DDX24: variants seen among roughly 807,000 people sequenced by gnomAD.
DDX24 encodes ATP-dependent RNA helicase DDX24.
In DDX24, 24 loss-of-function variants were observed where a neutral mutation model predicts 68.9. The observed-to-expected ratio is 0.35, with a 90% CI of 0.25 to 0.49. The LOEUF (loss-of-function observed/expected upper bound fraction) is 0.49, where lower values mean the gene tolerates loss of function less well. Among genes scored for constraint, DDX24 ranks in the 20% least tolerant of loss-of-function variants. The pLI, the probability that DDX24 is intolerant of heterozygous loss-of-function variation, is 0.99. For synonymous variants in DDX24, 395 were observed against 385.2 expected, an observed-to-expected ratio of 1.03 and a Z score of -0.30; for missense variants, 989 against 1,039.0, an observed-to-expected ratio of 0.95 and a Z score of 0.66.
chr14:94,053,992 A>C (rs974117502), intron 7 of DDX24, among the ~76,000 whole-genome samples: 2 of 152,198 alleles, frequency 1.3e-5, no homozygotes, highest in Non-Finnish European at 1.5e-5. Flanking sequence ...CTTTCCCAAC[A>C]ATCAACCTGA....
chr14:94,077,686 C>T (rs11622287), intron 2 of DDX24, among the ~76,000 whole-genome samples: 12,047 of 152,168 alleles, frequency 0.079, 503 homozygotes, highest in Middle Eastern at 0.19. Flanking sequence ...AAGTTATTAT[C>T]TCCATTCCCC....
chr14:94,055,035 T>C lies in DDX24; in HGVS notation c.2139A>G (p.Pro713=), dbSNP rs1230246737. The C allele has an allele frequency of 2.5e-6, 4 of 1,614,082 alleles. No homozygotes were observed. In the African/African-American group the frequency reaches 4.0e-5, roughly 16 times the overall value. ...YKTLKKDEDI[P]LFPVQTKYMD... is the part of the protein sequence containing the mutation. The stretch of plus-strand genomic sequence containing the variant: ...TGTATTTTGTCTGCACGGGGAACAG[T>C]GGGATATCCTCATCTTTCTTGAGCG... The change falls in exon 7 of 9, where the codon CCA becomes CCG. Residue 713 remains proline, a synonymous_variant. Coordinates refer to ENST00000621632, the MANE Select transcript of DDX24 (RefSeq NM_020414.4).
chr14:94,065,002 T>C, intron 2 of DDX24, among the ~76,000 whole-genome samples: 1 of 151,844 alleles, frequency 6.6e-6, no homozygotes, highest in African/African-American at 2.4e-5. Context: ...TGGTTGTGAG[T>C]GTGGGAAAAA....
At chr14:94,073,812 G>T (rs1220604237) in intron 2 of DDX24, among the ~76,000 whole-genome samples, 1 of 152,060 alleles carries the variant, frequency 6.6e-6, no homozygotes, top group Admixed American at 6.5e-5. Flanking sequence ...GGGAGGCCGA[G>T]GCGAGCAGAT....
chr14:94,074,295 C>A (rs1467182986), intron 2 of DDX24, among the ~76,000 whole-genome samples: 2 of 152,066 alleles, frequency 1.3e-5, no homozygotes, highest in Non-Finnish European at 2.9e-5. Flanking sequence ...CTACAACTAT[C>A]CCATGAACAT....
At chr14:94,076,448 C>A (rs1253280753) in intron 2 of DDX24, among the ~76,000 whole-genome samples, 1 of 151,928 alleles carries the variant, frequency 6.6e-6, no homozygotes, top group South Asian at 2.1e-4. Context: ...TTTGGGAGGC[C>A]GAAGCAGGCA....
At chr14:94,080,674 G>A (rs1433022037) in intron 1 of DDX24, among the ~76,000 whole-genome samples, 3 of 151,984 alleles carry the variant, frequency 2.0e-5, no homozygotes, top group Non-Finnish European at 4.4e-5. Context: ...CACAGTGCCC[G>A]CCGGACCCGC....
intron 2 of DDX24, among the ~76,000 whole-genome samples, chr14:94,063,249 C>T (rs143075513): frequency 6.6e-6 from 1 of 152,166 alleles, no homozygotes; most frequent in Non-Finnish European, 1.5e-5. Context: ...AAATAAGCAG[C>T]TCTCAGTAAA....
At chr14:94,069,176 C>T (rs1261120043) in intron 2 of DDX24, among the ~76,000 whole-genome samples, 1 of 151,906 alleles carries the variant, frequency 6.6e-6, no homozygotes, top group Non-Finnish European at 1.5e-5. Flanking sequence ...TAAAACAAAA[C>T]AGGAGATATT....
rs1223901426 is a variant in DDX24 at position 94,060,016 on chromosome 14, T to C, written c.1913+82A>G. On this transcript the variant is annotated intron_variant, in intron 5 of 8. Coordinates refer to ENST00000621632, the MANE Select transcript of DDX24 (RefSeq NM_020414.4). ...GGCCCCTATGACAGAAGGTGGCTTT[T>C]CTACCATTTCCCCACCATCCTGACC... The C allele has an allele frequency of 2.7e-6, 4 of 1,488,450 alleles. No individual in the cohort carries two copies. In the African/African-American group the frequency reaches 4.2e-5, roughly 16 times the overall value. 92.2% of individuals were successfully genotyped at this position (1,488,450 alleles called of 1,614,324 possible).
At chr14:94,054,912 T>C in intron 7 of DDX24, 84 bp downstream of exon 7, 1 of 1,465,906 alleles carries the variant, frequency 6.8e-7, no homozygotes, top group Middle Eastern at 1.8e-4. Flanking sequence ...TCAAGGGTTA[T>C]GCTGCCAGAG....
At chr14:94,058,916 C>T (rs1221175761) in intron 5 of DDX24, among the ~76,000 whole-genome samples, 4 of 152,122 alleles carry the variant, frequency 2.6e-5, no homozygotes, top group African/African-American at 9.7e-5. Context: ...ATGGGTCTTG[C>T]TGTGTTCCAG....
intron 2 of DDX24, among the ~76,000 whole-genome samples, chr14:94,075,882 C>T (rs900573456): frequency 6.6e-6 from 1 of 152,178 alleles, no homozygotes; most frequent in African/African-American, 2.4e-5. Context: ...AAATGCTCTA[C>T]ATTGCTAGTC....
At chr14:94,070,238 A>G (rs991033570) in intron 2 of DDX24, among the ~76,000 whole-genome samples, 2 of 152,200 alleles carry the variant, frequency 1.3e-5, no homozygotes, top group African/African-American at 4.8e-5. Context: ...TGGAGAATCA[A>G]ATCAAGAACT....
chr14:94,079,197 A>G lies in DDX24; in HGVS notation c.546T>C (p.Pro182=), dbSNP rs1486545898. 6.2e-7 allele frequency: 1 copy of G among 1,614,114 alleles called. No homozygotes were observed. Among genetic ancestry groups the G allele is most frequent in the African/African-American group, 1.3e-5 (1 of 74,940 alleles). ...KVPKKAKTWI[P]EVHDQKADVS... is the part of the protein sequence containing the mutation. The stretch of plus-strand genomic sequence containing the variant: ...CATCTGCTTTCTGATCATGAACTTC[A>G]GGAATCCATGTCTTCGCTTTTTTGG... Residue 182 remains proline (P), a synonymous_variant, in exon 2 of 9, where the codon CCT becomes CCC. Transcript: ENST00000621632.
chr14:94,074,528 T>TA (rs1361227392), intron 2 of DDX24, among the ~76,000 whole-genome samples: 1 of 152,144 alleles, frequency 6.6e-6, no homozygotes, highest in African/African-American at 2.4e-5. Context: ...CCAACCCTGA[T>TA]AAAACCTCTC....
rs147886750 is a variant in DDX24, at chr14:94,060,515, G to C, written c.1496C>G (p.Pro499Arg). Residue 499 changes from proline (P) to arginine (R), a missense_variant, in exon 5 of 9, where the codon CCA (proline) becomes CGA (arginine). By Grantham distance (103) the Pro-to-Arg change is moderately radical. Around this residue, in one of 3 missense-constraint regions of DDX24, gnomAD observed 691 missense variants for 760.0 expected, o/e 0.91. Coordinates refer to ENST00000621632, the MANE Select transcript of DDX24 (RefSeq NM_020414.4). Reference sequence around the variant, plus strand: ...AGAAAAAACAAGCGTTTGTCTCTTTGGGTTGTATTGGGAGTCATTGAGCAT... The same window carrying C: ...AGAAAAAACAAGCGTTTGTCTCTTTCGGTTGTATTGGGAGTCATTGAGCAT... The part of the protein sequence containing the change: ...LEMLNDSQYN[P>R]KRQTLVFSAT... 3.5e-4 allele frequency: 566 copies of C among 1,614,158 alleles called. 1 individual carries two copies. The African/African-American group carries it at 5.7e-3, about 16-fold the overall frequency.
chr14:94,072,523 C>A (rs534854552), intron 2 of DDX24, among the ~76,000 whole-genome samples: 2 of 152,278 alleles, frequency 1.3e-5, no homozygotes, highest in African/African-American at 4.8e-5. Flanking sequence ...GTGATAGGTG[C>A]ACCAAAATCT....
chr14:94,067,363 CG>C (rs1274856278), intron 2 of DDX24, among the ~76,000 whole-genome samples: 1 of 152,008 alleles, frequency 6.6e-6, no homozygotes, highest in Non-Finnish European at 1.5e-5. Context: ...ACCTAATAAT[CG>C]GTGTACCTGA....
Sources: gnomAD v4.1 joint callset for allele counts (sites outside exome capture counted in the v4.1 genomes callset) on GRCh38, gnomAD v4.1.1 for gene constraint, gnomAD v4.1.1 regional missense constraint, MANE v1.5 for transcripts, NCBI Gene and HGNC (gene_info 2026-07-23, HGNC 2026-07-21) for gene names.